Variants in KIF15 observed in about 807,000 individuals in gnomAD.
KIF15 encodes kinesin-like protein KIF15.
A neutral mutation model predicts 190.6 loss-of-function variants in KIF15; 140 were observed. The observed-to-expected ratio is 0.73, with a 90% CI of 0.64 to 0.84. The LOEUF is 0.84. Among genes scored for constraint, KIF15 ranks in the 40% least tolerant of loss-of-function variants. KIF15 has a pLI of 0.00. For missense variants in KIF15, 1,372 were observed against 1,584.4 expected, an observed-to-expected ratio of 0.87 and a Z score of 2.28; for synonymous variants, 528 against 551.3, an observed-to-expected ratio of 0.96 and a Z score of 0.59.
At chr3:44,817,937 C>T (rs1708099384) in intron 20 of KIF15, among the ~76,000 whole-genome samples, 1 of 152,176 alleles carries the variant, frequency 6.6e-6, no homozygotes. Context: ...GTTTGTAGTT[C>T]TCCTTGAAGA....
chr3:44,852,183 C>T (rs1158594705), intron 33 of KIF15, 25 bp from the exon 34 acceptor site: 1 of 1,585,040 alleles, frequency 6.3e-7, no homozygotes, highest in Admixed American at 1.8e-5. Flanking sequence ...TCTCATTTTT[C>T]CCTCCTTGGA....
chr3:44,861,983 C>T, intron 6 of KIF15: 1 of 1,383,730 alleles, frequency 7.2e-7, no homozygotes, highest in Non-Finnish European at 9.4e-7. Context: ...TACCCTGACA[C>T]CCCCGCGGAA....
At chr3:44,864,745 C>T (rs1699302265) in intron 6 of KIF15, among the ~76,000 whole-genome samples, 1 of 152,178 alleles carries the variant, frequency 6.6e-6, no homozygotes, top group Admixed American at 6.5e-5. Context: ...CGTAGTCAAT[C>T]TTGAGTTGAG....
chr3:44,767,053 G>T (rs985159721), intron 1 of KIF15, among the ~76,000 whole-genome samples: 3 of 151,918 alleles, frequency 2.0e-5, no homozygotes, highest in African/African-American at 4.8e-5. Flanking sequence ...CTCGTGATCC[G>T]CCCGCTTCGG....
rs768894308 is a variant in KIF15 at position 44,862,030 on chromosome 3, C to T, written c.*59+9236C>T. ...CCTCCAGGCGGGTGCGATGCGGCGC[C>T]GCTTTTGGGGCGTATTCAACTGTCT... On this transcript the variant is annotated intron_variant and NMD_transcript_variant, in intron 6 of 6. Coordinates refer to the KIF15 transcript ENST00000422209. 2.2e-6 allele frequency: 3 copies of T among 1,383,394 alleles called. No homozygotes were observed. Among genetic ancestry groups the T allele is most frequent in the East Asian group, 5.8e-5 (2 of 34,312 alleles). The allele number at this position is 1,383,394 out of a possible 1,614,324, so 85.7% of individuals were successfully genotyped here.
chr3:44,812,084 T>C (rs570394726), intron 17 of KIF15, 98 bp from the exon 18 acceptor site: 4 of 867,910 alleles, frequency 4.6e-6, no homozygotes, highest in Admixed American at 2.4e-5. Context: ...TGAATTTGTT[T>C]TGTTTTGTTT....
intron 23 of KIF15, among the ~76,000 whole-genome samples, chr3:44,827,734 G>C (rs1697750582): frequency 6.6e-6 from 1 of 152,066 alleles, no homozygotes; most frequent in Non-Finnish European, 1.5e-5. Context: ...CCAGGCTGCA[G>C]TGCAGTGGCG....
At chr3:44,819,451 T>C (rs983887084) in intron 20 of KIF15, among the ~76,000 whole-genome samples, 1 of 152,238 alleles carries the variant, frequency 6.6e-6, no homozygotes, top group Non-Finnish European at 1.5e-5. Flanking sequence ...TGTATCTTTG[T>C]TCTCATTGAT....
At position 44,841,996 on chromosome 3, in the gene KIF15, T is replaced by G. The variant is rs1228692330; in HGVS notation, c.3585+758T>G. Among the ~76,000 whole-genome samples the G allele has an allele frequency of 3.3e-5, 5 of 152,250 alleles. No individual in the cohort carries two copies. In the East Asian group the frequency reaches 9.6e-4, roughly 29 times the overall value. On this transcript the variant is annotated intron_variant, in intron 29 of 34. Transcript: ENST00000326047. Reference sequence around the variant, plus strand: ...GAATGAAGGTGAGAGCATGTTTCCTTAAACCTCACCTCATGGTGCTATCTG... The same window carrying G: ...GAATGAAGGTGAGAGCATGTTTCCTGAAACCTCACCTCATGGTGCTATCTG...
chr3:44,850,568 G>A (rs1163176284), intron 32 of KIF15, among the ~76,000 whole-genome samples: 1 of 152,102 alleles, frequency 6.6e-6, no homozygotes, highest in African/African-American at 2.4e-5. Flanking sequence ...TTCAGCAAAC[G>A]GCATGCACTG....
intron 26 of KIF15, among the ~76,000 whole-genome samples, chr3:44,836,700 T>A (rs918133964): frequency 6.6e-6 from 1 of 152,220 alleles, no homozygotes; most frequent in Non-Finnish European, 1.5e-5. Context: ...GAGTTCAGCC[T>A]AGGTCTGGTT....
Position 44,812,195 on chromosome 3 carries a change from C to T in KIF15, c.2183C>T (p.Ala728Val), listed in dbSNP as rs755670307. The T allele has an allele frequency of 1.2e-6, 2 of 1,611,620 alleles. No homozygotes were observed. Among genetic ancestry groups the T allele is most frequent in the Non-Finnish European group, 1.7e-6 (2 of 1,178,990 alleles). The change falls in exon 18 of 35, where the codon GCT becomes GTT. Residue 728 changes from alanine to valine, a missense_variant. By Grantham distance (64) the Ala-to-Val change is moderately conservative. Coordinates refer to ENST00000326047, the MANE Select transcript of KIF15 (RefSeq NM_020242.3). ...ELRTVQEQMS[A>V]LQAKLDEEEH... Reference sequence around the variant, plus strand: ...TTTGTGTTGCAGGAACAAATGAGTGCTCTTCAAGCCAAACTGGATGAAGAA... The same window carrying T: ...TTTGTGTTGCAGGAACAAATGAGTGTTCTTCAAGCCAAACTGGATGAAGAA...
intron 1 of KIF15, among the ~76,000 whole-genome samples, chr3:44,762,928 C>T (rs1047703277): frequency 1.3e-5 from 2 of 152,072 alleles, no homozygotes; most frequent in East Asian, 3.9e-4. Flanking sequence ...ACTGTTTGTT[C>T]TTTGTTTCCA....
chr3:44,773,060 A>G (rs1705708456), intron 1 of KIF15, among the ~76,000 whole-genome samples: 1 of 152,082 alleles, frequency 6.6e-6, no homozygotes, highest in Admixed American at 6.5e-5. Context: ...CCAACCTCAC[A>G]AATCCTTTTT....
intron 3 of KIF15, among the ~76,000 whole-genome samples, chr3:44,776,927 G>A (rs764778980): frequency 2.7e-5 from 4 of 150,580 alleles, no homozygotes; most frequent in Admixed American, 6.6e-5. Context: ...TTTAAGTTTC[G>A]TTCAATTAAT....
intron 18 of KIF15, 117 bp downstream of exon 18, chr3:44,812,406 G>A (rs548220936): frequency 5.6e-6 from 4 of 711,004 alleles, no homozygotes; most frequent in East Asian, 5.4e-5. Flanking sequence ...TATTCAGAGA[G>A]TATCACAGAA....
chr3:44,791,407 A>G lies in KIF15; in HGVS notation c.640-2810A>G, dbSNP rs1706690633. Among the ~76,000 whole-genome samples the G allele has an allele frequency of 2.0e-5, 3 of 152,156 alleles. 1 individual carries two copies. The South Asian group carries it at 6.2e-4, about 32-fold the overall frequency. On this transcript the variant is annotated intron_variant, in intron 7 of 34. Coordinates refer to ENST00000326047, the MANE Select transcript of KIF15 (RefSeq NM_020242.3). ...TAGATCAGGTAGGGTAAGTCCTCCA[A>G]CACTGTTCTTTTTAACAATTATTTT...
At chr3:44,839,811 C>G (rs1034184997) in intron 27 of KIF15, among the ~76,000 whole-genome samples, 10 of 152,192 alleles carry the variant, frequency 6.6e-5, no homozygotes, top group African/African-American at 1.9e-4. Context: ...TTACTTGGAA[C>G]AGTGTCCTCC....
At chr3:44,766,810 T>TC (rs200258441) in intron 1 of KIF15, among the ~76,000 whole-genome samples, 4 of 133,612 alleles carry the variant, frequency 3.0e-5, no homozygotes, top group African/African-American at 1.1e-4. Context: ...TTTCTTTCTT[T>TC]TTTTTTTTTT....
Sources: gnomAD v4.1 joint callset for allele counts (sites outside exome capture counted in the v4.1 genomes callset) on GRCh38, gnomAD v4.1.1 for gene constraint, MANE v1.5 for transcripts, NCBI Gene and HGNC (gene_info 2026-07-23, HGNC 2026-07-21) for gene names.